Variants in TMEM19 observed in about 807,000 individuals in gnomAD.
TMEM19 encodes transmembrane protein 19.
In TMEM19, 21 loss-of-function variants were observed where a neutral mutation model predicts 33.6. That is an observed-to-expected ratio of 0.62 (90% CI 0.44 to 0.90). The LOEUF is 0.90. TMEM19 is among the 40% of genes least tolerant of loss of function. The pLI is 0.00. For missense variants in TMEM19, 402 were observed against 401.8 expected, an observed-to-expected ratio of 1.00 and a Z score of 0.00; for synonymous variants, 149 against 147.5, an observed-to-expected ratio of 1.01 and a Z score of -0.07.
At position 71,699,213 on chromosome 12, in the gene TMEM19, G is replaced by A. The variant is rs187888834; in HGVS notation, c.847+104G>A. On this transcript the variant is annotated intron_variant, in intron 5 of 5. Coordinates refer to ENST00000266673, the MANE Select transcript of TMEM19 (RefSeq NM_018279.4). ...GAAAACAAATCCAAAGACACAGGGT[G>A]TTGAGGGACTAGAAATGATAGGGCA... 277 of 1,235,398 alleles carry A rather than the reference G, an allele frequency of 2.2e-4. 1 individual carries two copies. In the African/African-American group the frequency reaches 3.6e-3, roughly 16 times the overall value. The allele number at this position is 1,235,398 out of a possible 1,614,324, so 76.5% of individuals were successfully genotyped here.
rs1284405989 is a variant in TMEM19, at chr12:71,699,110, G to A, written c.847+1G>A. On this transcript the variant is annotated splice_donor_variant, in intron 5 of 5. Coordinates refer to ENST00000266673, the MANE Select transcript of TMEM19 (RefSeq NM_018279.4). LOFTEE classifies it high-confidence loss of function. ...TTAGGGGCTACAATGCAGTATACTG[G>A]TAAGAACATTCCTTCATTCTTGCAA... is the stretch of plus-strand genomic sequence containing the variant. The A allele has an allele frequency of 6.2e-7, 1 of 1,613,860 alleles. No individual in the cohort carries two copies. Among genetic ancestry groups the A allele is most frequent in the Admixed American group, 1.7e-5 (1 of 59,996 alleles).
At position 71,701,155 on chromosome 12, in the gene TMEM19, C is replaced by T; in HGVS notation, c.*160C>T. ...TCACATTTTCCTCTCATCAACTCCCCTGTAATAGCTAGCGTCTTTCTAGTG... is the reference window on the plus strand; with the variant it reads ...TCACATTTTCCTCTCATCAACTCCCTTGTAATAGCTAGCGTCTTTCTAGTG... On this transcript the variant is annotated 3_prime_UTR_variant, in exon 6 of 6. Transcript: ENST00000266673. The T allele has an allele frequency of 1.6e-6, 1 of 621,464 alleles. No individual in the cohort carries two copies. Among genetic ancestry groups the T allele is most frequent in the South Asian group, 3.2e-5 (1 of 31,532 alleles). The allele number at this position is 621,464 out of a possible 1,614,324, so 38.5% of individuals were successfully genotyped here. A position where few individuals can be genotyped will look rare whatever the true frequency, so the allele number is the denominator to read the frequency against.
At chr12:71,695,243 A>G (rs1286825456) in intron 2 of TMEM19, among the ~76,000 whole-genome samples, 1 of 152,178 alleles carries the variant, frequency 6.6e-6, no homozygotes, top group Non-Finnish European at 1.5e-5. Context: ...CATTTCCTCA[A>G]TCTGAAGCTG....
rs765714677 is a variant in TMEM19 at position 71,689,681 on chromosome 12, T to A, written c.221T>A (p.Leu74Gln). 4.8e-5 allele frequency: 78 copies of A among 1,613,918 alleles called. No homozygotes were observed. Among genetic ancestry groups the A allele is most frequent in the Non-Finnish European group, 6.5e-5 (77 of 1,179,816 alleles). ...TCTAATGGCCTTAAAAAGAAAAGTC[T>A]AGATCACAGTGGGGCTCTAGGAGGT... is the stretch of plus-strand genomic sequence containing the variant. ...IVSNGLKKKS[L>Q]DHSGALGGLV... The change falls in exon 2 of 6, where the codon CTA becomes CAA. Residue 74 changes from leucine to glutamine, a missense_variant. Transcript: ENST00000266673.
intron 3 of TMEM19, 49 bp from the exon 4 acceptor site, chr12:71,697,231 C>A (rs1881888875): frequency 1.3e-6 from 2 of 1,547,936 alleles, no homozygotes; most frequent in Non-Finnish European, 1.7e-6. Flanking sequence ...CATGGTTTTT[C>A]TTCTAAGGAG....
rs1882030184 is a variant in TMEM19, at chr12:71,703,969, C to T, written c.*2974C>T. On this transcript the variant is annotated 3_prime_UTR_variant, in exon 6 of 6. Coordinates refer to ENST00000266673, the MANE Select transcript of TMEM19 (RefSeq NM_018279.4). ...TTAACTAATTCAACATATTTTTCCT[C>T]TTTGCAGAATGGGCAGTTCATGTTA... 1 of 438,584 alleles carries T rather than the reference C, an allele frequency of 2.3e-6. No individual in the cohort carries two copies. Among genetic ancestry groups the T allele is most frequent in the African/African-American group, 2.1e-5 (1 of 48,058 alleles). The allele number at this position is 438,584 out of a possible 1,614,324, so 27.2% of individuals were successfully genotyped here.
intron 2 of TMEM19, among the ~76,000 whole-genome samples, chr12:71,694,840 C>T (rs940977308): frequency 3.3e-5 from 5 of 152,156 alleles, no homozygotes; most frequent in Non-Finnish European, 7.3e-5. Context: ...TATGAAATTC[C>T]AGTCCTGCCT....
chr12:71,696,599 A>G, intron 3 of TMEM19, 26 bp downstream of exon 3: 2 of 1,540,384 alleles, frequency 1.3e-6, no homozygotes, highest in Non-Finnish European at 8.7e-7. Flanking sequence ...ATATCATTCA[A>G]AATAGTAAAC....
intron 1 of TMEM19, among the ~76,000 whole-genome samples, chr12:71,688,059 C>T (rs968126494): frequency 6.6e-6 from 1 of 152,120 alleles, no homozygotes; most frequent in African/African-American, 2.4e-5. Flanking sequence ...TTTACTATGA[C>T]TTGAACTAAA....
intron 2 of TMEM19, among the ~76,000 whole-genome samples, chr12:71,691,605 CAAAAAAAAAAAAA>C (rs57138830): frequency 1.8e-4 from 9 of 49,514 alleles, no homozygotes; most frequent in South Asian, 1.0e-3. Context: ...TTCACCTCTA[CAAAAAAAAAAAAA>C]AAAAAAAAAA....
intron 2 of TMEM19, among the ~76,000 whole-genome samples, chr12:71,691,569 G>A (rs1049855742): frequency 8.4e-6 from 1 of 118,648 alleles, no homozygotes; most frequent in Non-Finnish European, 1.6e-5. Context: ...AGGAGTTTGA[G>A]ACCAGCCTGG....
chr12:71,689,771 T>C, intron 2 of TMEM19, 67 bp downstream of exon 2: 1 of 1,132,762 alleles, frequency 8.8e-7, no homozygotes, highest in Non-Finnish European at 1.3e-6. Context: ...AAATTTATGT[T>C]TTCTAAATTC....
chr12:71,697,251 G>T (rs774872782), intron 3 of TMEM19, 29 bp from the exon 4 acceptor site: 2 of 1,544,850 alleles, frequency 1.3e-6, no homozygotes, highest in East Asian at 2.4e-5. Context: ...GGAATCATTT[G>T]TTTGTCCTTT....
chr12:71,698,789 A>G (rs1190860071), intron 4 of TMEM19, 111 bp from the exon 5 acceptor site: 1 of 927,230 alleles, frequency 1.1e-6, no homozygotes, highest in Non-Finnish European at 1.7e-6. Flanking sequence ...GATTGCATTA[A>G]AGAGAATGCT....
intron 5 of TMEM19, among the ~76,000 whole-genome samples, 161 bp from the exon 6 acceptor site, chr12:71,700,671 A>G (rs1220530367): frequency 1.3e-5 from 2 of 151,954 alleles, no homozygotes; most frequent in African/African-American, 4.8e-5. Flanking sequence ...CCTTTCAAAG[A>G]TTGTCTCCTT....
intron 5 of TMEM19, among the ~76,000 whole-genome samples, chr12:71,700,107 CT>C (rs1294496431): frequency 2.6e-5 from 4 of 152,210 alleles, no homozygotes; most frequent in South Asian, 2.1e-4. Flanking sequence ...CTTCCTCCCC[CT>C]CTCCATCAGT....
At position 71,697,320 on chromosome 12, in the gene TMEM19, T is replaced by A. The variant is rs781174479; in HGVS notation, c.423T>A (p.Ala141=). Reference sequence around the variant, plus strand: ...GGGTTCAGGTGTTCTGTAATGGAGCTGTACCCACAGAACTGGCCCTGCTGT... The same window carrying A: ...GGGTTCAGGTGTTCTGTAATGGAGCAGTACCCACAGAACTGGCCCTGCTGT... The part of the protein sequence containing the change: ...RNWVQVFCNG[A]VPTELALLYM... Residue 141 remains alanine, a synonymous_variant, in exon 4 of 6, where the codon GCT becomes GCA. Coordinates refer to ENST00000266673, the MANE Select transcript of TMEM19 (RefSeq NM_018279.4). 1.2e-6 allele frequency: 2 copies of A among 1,608,456 alleles called. No homozygotes were observed. Among genetic ancestry groups the A allele is most frequent in the South Asian group, 2.2e-5 (2 of 89,648 alleles).
At chr12:71,696,038 C>G (rs1317665122) in intron 2 of TMEM19, among the ~76,000 whole-genome samples, 1 of 152,060 alleles carries the variant, frequency 6.6e-6, no homozygotes. Flanking sequence ...AAAAGAAGGC[C>G]AGGTGCTGTG....
chr12:71,704,081 A>G lies in TMEM19; in HGVS notation c.*3086A>G. 2.4e-6 allele frequency: 1 copy of G among 414,710 alleles called. No homozygotes were observed. Among genetic ancestry groups the G allele is most frequent in the Non-Finnish European group, 5.0e-6 (1 of 200,494 alleles). 25.7% of individuals were successfully genotyped at this position (414,710 alleles called of 1,614,324 possible). ...ATAAAGGTGTACTGTTTCTTATCATACTGTTCCATGATAGAAGAGAGCAGA... is the reference window on the plus strand; with the variant it reads ...ATAAAGGTGTACTGTTTCTTATCATGCTGTTCCATGATAGAAGAGAGCAGA... On this transcript the variant is annotated 3_prime_UTR_variant, in exon 6 of 6. Coordinates refer to ENST00000266673, the MANE Select transcript of TMEM19 (RefSeq NM_018279.4).
Sources: allele counts gnomAD v4.1 joint callset (sites outside exome capture counted in the v4.1 genomes callset), GRCh38; gene constraint gnomAD v4.1.1; transcripts MANE v1.5; gene names NCBI Gene and HGNC (gene_info 2026-07-23, HGNC 2026-07-21).